The following KHDRBS2 variants were observed in gnomAD, a reference collection of about 807,000 sequenced individuals.
The protein encoded by KHDRBS2 is KH domain-containing, RNA-binding, signal transduction-associated protein 2.
Under a neutral mutation model 44.3 loss-of-function variants are expected in KHDRBS2, and 26 were observed. The observed-to-expected ratio is 0.59, with a 90% CI of 0.43 to 0.81. KHDRBS2 has a LOEUF of 0.81. KHDRBS2 is among the 40% of genes least tolerant of loss of function. The pLI is 0.00. For synonymous variants in KHDRBS2, 194 were observed against 151.1 expected (o/e 1.28, Z -2.08); for missense variants, 476 against 433.1 (o/e 1.10, Z -0.88).
At chr6:62,093,501 A>C in intron 2 of KHDRBS2, among the ~76,000 whole-genome samples, 1 of 151,320 alleles carries the variant, frequency 6.6e-6, no homozygotes, top group East Asian at 1.9e-4. Flanking sequence ...ACATTAAAAA[A>C]CCTCTCTTCT....
intron 4 of KHDRBS2, among the ~76,000 whole-genome samples, chr6:61,975,796 G>T (rs746654090): frequency 1.3e-5 from 2 of 152,090 alleles, no homozygotes; most frequent in African/African-American, 2.4e-5. Flanking sequence ...GTGATACTAC[G>T]TTCAAAATAT....
At chr6:61,663,788 T>C in the KHDRBS2 span, among the ~76,000 whole-genome samples, 1 of 151,502 alleles carries the variant, frequency 6.6e-6, no homozygotes, top group Non-Finnish European at 1.5e-5. Flanking sequence ...AATTATTTGA[T>C]GAATAAACTT....
intron 6 of KHDRBS2, among the ~76,000 whole-genome samples, chr6:61,736,961 T>C (rs958227870): frequency 7.2e-5 from 11 of 152,112 alleles, no homozygotes; most frequent in African/African-American, 2.7e-4. Context: ...TTATCACCTT[T>C]TTGATGTATT....
intron 2 of KHDRBS2, among the ~76,000 whole-genome samples, chr6:62,104,974 G>T (rs1802814776): frequency 6.6e-6 from 1 of 152,040 alleles, no homozygotes; most frequent in African/African-American, 2.4e-5. Context: ...ATAGATTCTA[G>T]AGACATTTAA....
intron 3 of KHDRBS2, among the ~76,000 whole-genome samples, chr6:61,989,030 C>CATGTCTTTTA (rs1775614288): frequency 6.6e-6 from 1 of 152,138 alleles, no homozygotes; most frequent in African/African-American, 2.4e-5. Context: ...ACATGATTTA[C>CATGTCTTTTA]CATGTACAGA....
At chr6:61,841,499 G>C (rs1793602648) in intron 6 of KHDRBS2, among the ~76,000 whole-genome samples, 2 of 152,154 alleles carry the variant, frequency 1.3e-5, no homozygotes, top group South Asian at 4.1e-4. Flanking sequence ...GCTTTACAAA[G>C]ATTAAAGTTA....
rs115063858 is a variant in KHDRBS2, at chr6:62,165,027, C to A, written c.219+12158G>T. Among the ~76,000 whole-genome samples, 382 of 151,856 alleles carry A rather than the reference C, an allele frequency of 2.5e-3. 3 individuals carry two copies. Among genetic ancestry groups the A allele is most frequent in the African/African-American group, 8.4e-3 (350 of 41,530 alleles). ...GTATAGAAAGGCATGGATTTTCTGT[C>A]ATGTGTTTCAAATATTCATATACAT... On this transcript the variant is annotated intron_variant, in intron 2 of 8. Transcript: ENST00000281156.
chr6:62,113,578 C>T (rs1805529619), intron 2 of KHDRBS2, among the ~76,000 whole-genome samples: 2 of 152,000 alleles, frequency 1.3e-5, no homozygotes, highest in Non-Finnish European at 2.9e-5. Context: ...TCATATTATC[C>T]CAAATGCTAT....
At chr6:61,865,594 G>C (rs1020116581) in intron 6 of KHDRBS2, among the ~76,000 whole-genome samples, 3 of 151,892 alleles carry the variant, frequency 2.0e-5, no homozygotes, top group Non-Finnish European at 2.9e-5. Context: ...ATCTGGGTGG[G>C]GACACAGCCA....
chr6:61,882,534 T>C (rs1278562633), intron 6 of KHDRBS2, among the ~76,000 whole-genome samples: 1 of 152,002 alleles, frequency 6.6e-6, no homozygotes, highest in Non-Finnish European at 1.5e-5. Flanking sequence ...CTCTACCAAA[T>C]TGATCAACAA....
chr6:62,281,893 C>T (rs372136253), intron 1 of KHDRBS2, among the ~76,000 whole-genome samples: 1 of 152,062 alleles, frequency 6.6e-6, no homozygotes, highest in East Asian at 1.9e-4. Flanking sequence ...TCCACTATAT[C>T]ATAAATTGTC....
chr6:62,133,069 G>C (rs537392069), intron 2 of KHDRBS2, among the ~76,000 whole-genome samples: 28 of 152,158 alleles, frequency 1.8e-4, no homozygotes, highest in African/African-American at 6.7e-4. Context: ...ATATACAAAC[G>C]GGCTTTTTTT....
At chr6:62,086,898 T>C (rs1193116468) in intron 2 of KHDRBS2, among the ~76,000 whole-genome samples, 1 of 147,670 alleles carries the variant, frequency 6.8e-6, no homozygotes, top group African/African-American at 2.5e-5. Flanking sequence ...TGAGCAAAAA[T>C]TACCAAGAGT....
chr6:61,818,584 T>C (rs1385005218), intron 6 of KHDRBS2, among the ~76,000 whole-genome samples: 1 of 151,958 alleles, frequency 6.6e-6, no homozygotes, highest in Non-Finnish European at 1.5e-5. Context: ...CAAGATCATG[T>C]TGTTGTTCCA....
chr6:62,007,029 A>G (rs1281140157), intron 3 of KHDRBS2, among the ~76,000 whole-genome samples: 1 of 152,104 alleles, frequency 6.6e-6, no homozygotes, highest in Non-Finnish European at 1.5e-5. Context: ...GTGTGTACAT[A>G]CATCTACATG....
intron 6 of KHDRBS2, among the ~76,000 whole-genome samples, chr6:61,891,065 G>A (rs1386967880): frequency 6.6e-6 from 1 of 152,120 alleles, no homozygotes. Flanking sequence ...CAGTCCATAT[G>A]TTTTGAGTGC....
intron 6 of KHDRBS2, among the ~76,000 whole-genome samples, chr6:61,837,107 T>C (rs1003127309): frequency 1.8e-4 from 27 of 151,958 alleles, no homozygotes; most frequent in African/African-American, 6.3e-4. Context: ...CCATTTTGGG[T>C]TTAACCCTAA....
At chr6:62,257,794 C>T (rs574911891) in intron 1 of KHDRBS2, among the ~76,000 whole-genome samples, 1 of 152,088 alleles carries the variant, frequency 6.6e-6, no homozygotes, top group South Asian at 2.1e-4. Flanking sequence ...ATTTGTGAAA[C>T]GCTAAAACTA....
intron 7 of KHDRBS2, among the ~76,000 whole-genome samples, chr6:61,710,880 T>C (rs1228917771): frequency 1.4e-5 from 2 of 143,074 alleles, no homozygotes; most frequent in Non-Finnish European, 3.0e-5. Flanking sequence ...ATAAGGATGT[T>C]GTGCGAAAAA....
Sources: allele counts gnomAD v4.1 joint callset (sites outside exome capture counted in the v4.1 genomes callset), GRCh38; gene constraint gnomAD v4.1.1; transcripts MANE v1.5; gene names NCBI Gene and HGNC (gene_info 2026-07-23, HGNC 2026-07-21).